Variants in CADM2 observed in about 807,000 individuals in gnomAD.
CADM2 encodes cell adhesion molecule 2, also known as immunoglobulin superfamily member 4D.
CADM2 carries 12 observed loss-of-function variants against 49.8 expected under a neutral mutation model. The ratio of observed to expected loss-of-function variants is 0.24; its 90% CI spans 0.15 to 0.39. CADM2 has a LOEUF of 0.39. CADM2 is among the 10% of genes least tolerant of loss of function. The pLI, the probability that CADM2 is intolerant of heterozygous loss-of-function variation, is 1.00. For missense variants in CADM2, 378 were observed against 492.3 expected, an observed-to-expected ratio of 0.77 and a Z score of 2.20; for synonymous variants, 214 against 175.4, an observed-to-expected ratio of 1.22 and a Z score of -1.74.
chr3:85,801,899 TTTTC>T, intron 2 of CADM2, 144 bp from the exon 3 acceptor site: 1 of 581,056 alleles, frequency 1.7e-6, no homozygotes, highest in South Asian at 3.3e-5. Context: ...TTTCAATTAT[TTTTC>T]TGTCTTTTGT....
At chr3:85,626,928 A>C (rs1044797962) in intron 1 of CADM2, among the ~76,000 whole-genome samples, 5 of 152,042 alleles carry the variant, frequency 3.3e-5, no homozygotes, top group African/African-American at 1.2e-4. Flanking sequence ...TCATACTTAA[A>C]GGCTCTGGTC....
At chr3:85,212,283 G>A (rs181034034) in intron 1 of CADM2, among the ~76,000 whole-genome samples, 9 of 152,070 alleles carry the variant, frequency 5.9e-5, no homozygotes, top group Admixed American at 3.9e-4. Context: ...TGTTGTTATT[G>A]ATAAGTAAGG....
intron 1 of CADM2, among the ~76,000 whole-genome samples, chr3:85,067,962 T>C (rs1181487240): frequency 6.6e-6 from 1 of 152,192 alleles, no homozygotes; most frequent in Non-Finnish European, 1.5e-5. Flanking sequence ...TGTGTGGGTT[T>C]CCTTTTCCTT....
chr3:84,992,814 A>G (rs897747351), intron 1 of CADM2, among the ~76,000 whole-genome samples: 3 of 152,182 alleles, frequency 2.0e-5, no homozygotes, highest in Non-Finnish European at 2.9e-5. Context: ...GACAAACAAA[A>G]CAACAAAACA....
At chr3:85,060,869 A>T (rs1037537768) in intron 1 of CADM2, among the ~76,000 whole-genome samples, 6 of 152,186 alleles carry the variant, frequency 3.9e-5, no homozygotes, top group Non-Finnish European at 8.8e-5. Context: ...CACGAGATCA[A>T]CATATTCAAA....
chr3:85,188,770 A>G (rs1386346041), intron 1 of CADM2, among the ~76,000 whole-genome samples: 1 of 152,000 alleles, frequency 6.6e-6, no homozygotes. Context: ...AGTGGCTCAC[A>G]CCTGTAATCC....
At chr3:85,035,920 T>A (rs1031428950) in intron 1 of CADM2, among the ~76,000 whole-genome samples, 6 of 152,224 alleles carry the variant, frequency 3.9e-5, no homozygotes, top group African/African-American at 1.4e-4. Flanking sequence ...AATCTAAAGT[T>A]ATAGAATAAA....
chr3:85,432,930 T>A (rs906469108), intron 1 of CADM2, among the ~76,000 whole-genome samples: 2 of 151,956 alleles, frequency 1.3e-5, no homozygotes, highest in Admixed American at 6.6e-5. Flanking sequence ...AAAAAAAGAA[T>A]CTCATTATGC....
chr3:85,198,590 A>T (rs1476355642), intron 1 of CADM2, among the ~76,000 whole-genome samples: 1 of 151,812 alleles, frequency 6.6e-6, no homozygotes, highest in Non-Finnish European at 1.5e-5. Flanking sequence ...ATAGTCACTT[A>T]TCTTCAAAGG....
At chr3:85,632,941 A>G (rs1017792527) in intron 1 of CADM2, among the ~76,000 whole-genome samples, 11 of 152,252 alleles carry the variant, frequency 7.2e-5, no homozygotes, top group African/African-American at 2.6e-4. Flanking sequence ...AAAATCGAAA[A>G]TAAAATAACT....
chr3:85,417,874 G>T (rs1014406579), intron 1 of CADM2, among the ~76,000 whole-genome samples: 5 of 152,060 alleles, frequency 3.3e-5, no homozygotes, highest in African/African-American at 1.2e-4. Context: ...TCAAATGAAA[G>T]TTCATATTTA....
intron 5 of CADM2, among the ~76,000 whole-genome samples, chr3:85,897,241 C>CTT (rs752550127): frequency 0.011 from 524 of 45,922 alleles, 192 homozygotes; most frequent in Middle Eastern, 0.036. Context: ...TAACCTACAT[C>CTT]TTTTTTTTTT....
intron 3 of CADM2, among the ~76,000 whole-genome samples, chr3:85,869,755 T>G (rs1461421859): frequency 1.3e-5 from 2 of 152,100 alleles, no homozygotes; most frequent in Non-Finnish European, 2.9e-5. Context: ...GCATCCTGGG[T>G]TCACGCCATT....
chr3:85,911,480 G>C (rs1036710825), intron 5 of CADM2, among the ~76,000 whole-genome samples: 3 of 152,198 alleles, frequency 2.0e-5, no homozygotes, highest in Non-Finnish European at 4.4e-5. Flanking sequence ...CAAGTGAAGA[G>C]CATTCATCTC....
rs559653222 is a variant in CADM2 at position 85,530,296 on chromosome 3, G to A, written c.62-196226G>A. On this transcript the variant is annotated intron_variant, in intron 1 of 9. Coordinates refer to ENST00000383699, the MANE Select transcript of CADM2 (RefSeq NM_001167675.2). The stretch of plus-strand genomic sequence containing the variant: ...CGCAGCCATGTGGAAATGTGGAACT[G>A]TGAGTCAGTTAGACTTCTTTTCTCC... Among the ~76,000 whole-genome samples, 8 of 147,240 alleles carry A rather than the reference G, an allele frequency of 5.4e-5. No individual in the cohort carries two copies. In the South Asian group the frequency reaches 1.5e-3, roughly 28 times the overall value.
At chr3:85,774,067 C>T (rs1201618887) in intron 2 of CADM2, among the ~76,000 whole-genome samples, 1 of 151,526 alleles carries the variant, frequency 6.6e-6, no homozygotes, top group Non-Finnish European at 1.5e-5. Context: ...TTCATTAGAT[C>T]CTTTATCTAC....
intron 6 of CADM2, among the ~76,000 whole-genome samples, chr3:85,928,202 A>G (rs1053272918): frequency 6.9e-6 from 1 of 145,388 alleles, no homozygotes; most frequent in Non-Finnish European, 1.5e-5. Flanking sequence ...CTCTGTTGCC[A>G]GGCTGGAGTG....
intron 1 of CADM2, among the ~76,000 whole-genome samples, chr3:84,972,309 A>G (rs1472251057): frequency 6.6e-6 from 1 of 152,256 alleles, no homozygotes; most frequent in African/African-American, 2.4e-5. Flanking sequence ...ATAACATAGT[A>G]TAACATTAAC....
chr3:85,862,066 T>A (rs1241892465), intron 3 of CADM2, among the ~76,000 whole-genome samples: 4 of 152,130 alleles, frequency 2.6e-5, no homozygotes, highest in African/African-American at 9.7e-5. Flanking sequence ...TAAGTTATTC[T>A]TGCTTCTCAG....
Sources: allele counts gnomAD v4.1 joint callset (sites outside exome capture counted in the v4.1 genomes callset), GRCh38; gene constraint gnomAD v4.1.1; transcripts MANE v1.5; gene names NCBI Gene and HGNC (gene_info 2026-07-23, HGNC 2026-07-21).